The following CNTN5 variants were observed in gnomAD, a reference collection of about 807,000 sequenced individuals.
CNTN5 encodes contactin 5.
In CNTN5, 77 loss-of-function variants were observed where a neutral mutation model predicts 129.1. The observed-to-expected ratio is 0.60, with a 90% confidence interval of 0.50 to 0.72. CNTN5 has a LOEUF of 0.72. Among genes scored for constraint, CNTN5 ranks in the 30% least tolerant of loss-of-function variants. The pLI is 0.00. For synonymous variants in CNTN5, 509 were observed against 465.6 expected (o/e 1.09, Z -1.20); for missense variants, 1,478 against 1,328.8 (o/e 1.11, Z -1.75).
At chr11:99,552,222 T>G (rs1948513172) in intron 2 of CNTN5, among the ~76,000 whole-genome samples, 2 of 151,718 alleles carry the variant, frequency 1.3e-5, no homozygotes, top group South Asian at 4.1e-4. Context: ...TGTGTTTTTT[T>G]TTTTGTATTA....
intron 18 of CNTN5, among the ~76,000 whole-genome samples, chr11:100,288,810 G>T (rs547015950): frequency 1.4e-4 from 21 of 152,196 alleles, no homozygotes; most frequent in South Asian, 2.1e-4. Context: ...AAAAATTAAT[G>T]AATCCAGGAG....
In CNTN5 at chr11:100,061,453, A is replaced by G. The variant is rs1197960753; in HGVS notation, c.1162+60A>G. 2.4e-6 allele frequency: 3 copies of G among 1,238,836 alleles called. No homozygotes were observed. The Admixed American group carries it at 7.3e-5, about 30-fold the overall frequency. 76.7% of individuals were successfully genotyped at this position (1,238,836 alleles called of 1,614,324 possible). ...CCCAAAAGTCAAACTGAAAGTGGAA[A>G]TTAACTTTAACTAAATATTGTTTGT... On this transcript the variant is annotated intron_variant, in intron 10 of 24. Coordinates refer to ENST00000524871, the MANE Select transcript of CNTN5 (RefSeq NM_014361.4).
chr11:100,166,170 A>C (rs532110859), intron 13 of CNTN5, among the ~76,000 whole-genome samples: 32 of 151,932 alleles, frequency 2.1e-4, no homozygotes, highest in African/African-American at 7.5e-4. Context: ...AAATAACTAT[A>C]ATATGATTTT....
intron 13 of CNTN5, among the ~76,000 whole-genome samples, chr11:100,154,013 CTTTT>C (rs888051514): frequency 2.0e-5 from 3 of 151,882 alleles, no homozygotes; most frequent in Admixed American, 6.6e-5. Flanking sequence ...TATCACATTT[CTTTT>C]TTTATTACAC....
intron 4 of CNTN5, among the ~76,000 whole-genome samples, chr11:99,843,837 C>T (rs1188888205): frequency 6.6e-6 from 1 of 152,102 alleles, no homozygotes; most frequent in African/African-American, 2.4e-5. Context: ...TGATCAAATT[C>T]ATGATCAATG....
At chr11:99,188,920 A>C (rs1278990785) in intron 1 of CNTN5, among the ~76,000 whole-genome samples, 1 of 151,700 alleles carries the variant, frequency 6.6e-6, no homozygotes, top group South Asian at 2.1e-4. Flanking sequence ...AACTATCATC[A>C]TCATGTTGTA....
chr11:99,903,559 CTG>C (rs749465402), intron 6 of CNTN5, among the ~76,000 whole-genome samples: 5 of 152,144 alleles, frequency 3.3e-5, no homozygotes, highest in South Asian at 2.1e-4. Context: ...AAAGAAATAA[CTG>C]TGTCATCTAG....
chr11:99,576,900 T>C (rs1743311683), intron 3 of CNTN5, among the ~76,000 whole-genome samples: 1 of 152,154 alleles, frequency 6.6e-6, no homozygotes, highest in Non-Finnish European at 1.5e-5. Flanking sequence ...TACTATCACC[T>C]TGGGGGATTA....
At chr11:100,354,015 G>C (rs902677776) in intron 24 of CNTN5, among the ~76,000 whole-genome samples, 14 of 151,312 alleles carry the variant, frequency 9.3e-5, no homozygotes, top group African/African-American at 3.4e-4. Flanking sequence ...TTTAACTAAG[G>C]CCAATCATTG....
intron 3 of CNTN5, among the ~76,000 whole-genome samples, chr11:99,750,041 T>G (rs970441131): frequency 1.3e-5 from 2 of 152,210 alleles, no homozygotes; most frequent in African/African-American, 4.8e-5. Flanking sequence ...CATAGCCACT[T>G]AGCCTAAAAA....
At chr11:100,214,090 A>C (rs1247189969) in intron 15 of CNTN5, among the ~76,000 whole-genome samples, 2 of 152,200 alleles carry the variant, frequency 1.3e-5, no homozygotes, top group African/African-American at 4.8e-5. Flanking sequence ...TTGAATTGTG[A>C]AAAAGTTTGA....
chr11:100,234,526 GCTAA>G (rs1186672119), intron 16 of CNTN5, among the ~76,000 whole-genome samples: 5 of 152,084 alleles, frequency 3.3e-5, no homozygotes, highest in Non-Finnish European at 7.4e-5. Context: ...CTTATTCTCA[GCTAA>G]CTAACACAAG....
chr11:99,794,478 G>T (rs1391789545), intron 3 of CNTN5, among the ~76,000 whole-genome samples: 2 of 151,874 alleles, frequency 1.3e-5, no homozygotes, highest in South Asian at 4.1e-4. Context: ...TTGTTAGCTG[G>T]GTTATTTTGC....
intron 2 of CNTN5, among the ~76,000 whole-genome samples, chr11:99,532,970 C>G (rs1947769627): frequency 1.3e-5 from 2 of 152,182 alleles, no homozygotes; most frequent in Admixed American, 1.3e-4. Flanking sequence ...TGCCTGTAAT[C>G]CCAGCACTTT....
At chr11:100,044,192 T>C (rs1047974260) in intron 9 of CNTN5, among the ~76,000 whole-genome samples, 25 of 152,048 alleles carry the variant, frequency 1.6e-4, no homozygotes, top group Non-Finnish European at 2.9e-4. Context: ...ATACGTGATA[T>C]GTATATATAA....
At chr11:99,927,423 G>T (rs146759404) in intron 7 of CNTN5, among the ~76,000 whole-genome samples, 2 of 152,092 alleles carry the variant, frequency 1.3e-5, no homozygotes, top group African/African-American at 2.4e-5. Context: ...GCATTATCCC[G>T]CTGCTATGAA....
intron 1 of CNTN5, among the ~76,000 whole-genome samples, chr11:99,260,524 T>C (rs1039138985): frequency 6.6e-6 from 1 of 151,926 alleles, no homozygotes; most frequent in Non-Finnish European, 1.5e-5. Context: ...GAGATTCTTT[T>C]ATCTCTTCCT....
At chr11:100,073,027 C>G (rs973292309) in intron 12 of CNTN5, among the ~76,000 whole-genome samples, 5 of 122,790 alleles carry the variant, frequency 4.1e-5, no homozygotes, top group Non-Finnish European at 8.1e-5. Context: ...TTGCAACTAT[C>G]TCCTCATAAA....
chr11:100,196,048 T>C (rs550442544), intron 15 of CNTN5, among the ~76,000 whole-genome samples: 1 of 151,920 alleles, frequency 6.6e-6, no homozygotes, highest in South Asian at 2.1e-4. Context: ...CCAAGTGGGG[T>C]GACTCAAGGT....
Sources: allele counts gnomAD v4.1 joint callset (sites outside exome capture counted in the v4.1 genomes callset), GRCh38; gene constraint gnomAD v4.1.1; transcripts MANE v1.5; gene names NCBI Gene and HGNC (gene_info 2026-07-23, HGNC 2026-07-21).